STOX2: variants seen among roughly 807,000 people sequenced by gnomAD.
STOX2 encodes the protein storkhead box 2.
In STOX2, 28 loss-of-function variants were observed where a neutral mutation model predicts 60.9. That is an observed-to-expected ratio of 0.46 (90% CI 0.34 to 0.63). STOX2 has a LOEUF of 0.63. Among genes scored for constraint, STOX2 ranks in the 30% least tolerant of loss-of-function variants. The pLI is 0.01. For missense variants in STOX2, 1,024 were observed against 1,187.7 expected (o/e 0.86, Z 2.03); for synonymous variants, 472 against 463.9 (o/e 1.02, Z -0.22).
At chr4:183,956,931 G>T (rs1253455534) in intron 1 of STOX2, among the ~76,000 whole-genome samples, 2 of 143,578 alleles carry the variant, frequency 1.4e-5, no homozygotes, top group Non-Finnish European at 3.0e-5. Context: ...TTTAGATTAA[G>T]CATTTTTTTG....
intron 1 of STOX2, among the ~76,000 whole-genome samples, chr4:183,815,159 A>T (rs541770267): frequency 6.8e-6 from 1 of 147,210 alleles, no homozygotes; most frequent in South Asian, 2.2e-4. Context: ...TGCCCAGCTA[A>T]TTTTTTTTTT....
chr4:183,881,048 C>G (rs1740946982), intron 1 of STOX2, among the ~76,000 whole-genome samples: 1 of 152,154 alleles, frequency 6.6e-6, no homozygotes, highest in African/African-American at 2.4e-5. Flanking sequence ...TGGTACAGGT[C>G]TCTTCAAGAG....
In STOX2 at chr4:183,806,504, C is replaced by A. The variant is rs1268447398; in HGVS notation, c.364+8449C>A. Among the ~76,000 whole-genome samples the A allele has an allele frequency of 6.6e-6, 1 of 152,178 alleles. No individual in the cohort carries two copies. On this transcript the variant is annotated intron_variant, in intron 1 of 2. Coordinates refer to the STOX2 transcript ENST00000513034. The surrounding 1 kb of genome is among the most constrained non-coding windows in gnomAD (Gnocchi z 4.1). The stretch of plus-strand genomic sequence containing the variant: ...TGCCGCCTGAGGTTGCTGCAGCCTT[C>A]TGTCTTCACTGTGAACCCCGGGATA...
In STOX2 at chr4:184,001,060, C is replaced by T. The variant is rs924924444; in HGVS notation, c.167-265C>T. Among the ~76,000 whole-genome samples the T allele has an allele frequency of 1.3e-5, 2 of 152,036 alleles. No individual in the cohort carries two copies. The highest frequency in any genetic ancestry group is 2.9e-5 in the Non-Finnish European group (2 of 68,010). ...GCCTGTTGTTGCAAGACTTTCAGTA[C>T]TAGGACTATTTAAATGAGATCTCGG... On this transcript the variant is annotated intron_variant, in intron 1 of 3. Transcript: ENST00000308497. This position sits in a 1 kb window ranked among gnomAD's most constrained non-coding sequence, Gnocchi z 4.2.
Position 184,019,026 on chromosome 4 carries a change from A to G in STOX2, c.*1742A>G, listed in dbSNP as rs769651540. 4 of 152,238 alleles carry G rather than the reference A, an allele frequency of 2.6e-5. No homozygotes were observed. Among genetic ancestry groups the G allele is most frequent in the African/African-American group, 4.8e-5 (2 of 41,470 alleles). The allele number at this position is 152,238 out of a possible 1,614,324, so 9.4% of individuals were successfully genotyped here. On this transcript the variant is annotated 3_prime_UTR_variant, in exon 4 of 4. Coordinates refer to ENST00000308497, the MANE Select transcript of STOX2 (RefSeq NM_020225.3). ...TGTTTTTGTATGAGGTTTAATCACT[A>G]GCAATCTGTTTAAAGAATCCAGTCC... is the stretch of plus-strand genomic sequence containing the variant.
chr4:183,890,202 A>T (rs983450916), intron 1 of STOX2, among the ~76,000 whole-genome samples: 1 of 152,170 alleles, frequency 6.6e-6, no homozygotes, highest in Non-Finnish European at 1.5e-5. Context: ...TTGACTATTT[A>T]AAACAGCAAC....
rs566494154 is a variant in STOX2 at position 183,922,195 on chromosome 4, T to C, written c.166+15239T>C. On this transcript the variant is annotated intron_variant, in intron 1 of 3. Coordinates refer to ENST00000308497, the MANE Select transcript of STOX2 (RefSeq NM_020225.3). ...GCTAGATGACTTTCCTCAAATTCGC[T>C]GTTCCCTGGTGCTTTGAGAAGATGA... Among the ~76,000 whole-genome samples, 6 of 152,318 alleles carry C rather than the reference T, an allele frequency of 3.9e-5. No individual in the cohort carries two copies. The South Asian group carries it at 1.2e-3, about 32-fold the overall frequency.
chr4:183,849,366 G>C (rs186716145), intron 1 of STOX2, among the ~76,000 whole-genome samples: 7 of 152,324 alleles, frequency 4.6e-5, no homozygotes, highest in East Asian at 3.9e-4. Context: ...GTATGGGCTT[G>C]ATCCTGAGCA....
chr4:183,875,408 C>T (rs950551310), intron 1 of STOX2, among the ~76,000 whole-genome samples: 2 of 152,164 alleles, frequency 1.3e-5, no homozygotes, highest in East Asian at 1.9e-4. Context: ...ATAGCACTTC[C>T]GCAGAGGCCA....
At chr4:183,950,985 G>A (rs1377244507) in intron 1 of STOX2, among the ~76,000 whole-genome samples, 5 of 152,212 alleles carry the variant, frequency 3.3e-5, no homozygotes, top group African/African-American at 7.2e-5. Context: ...GGAGGCCGAG[G>A]CGGGCGGATC....
rs77061976 is a variant in STOX2 at position 183,852,745 on chromosome 4, T to G, written c.364+54690T>G. Among the ~76,000 whole-genome samples the G allele has an allele frequency of 1.1e-3, 174 of 152,362 alleles. 3 individuals carry two copies. The South Asian group carries it at 0.023, about 20-fold the overall frequency. On this transcript the variant is annotated intron_variant, in intron 1 of 2. Coordinates refer to the STOX2 transcript ENST00000513034. Reference sequence around the variant, plus strand: ...ATGTTAATAAGGAAGAGGAAATTAATTTAAACCTATTTAATAAAACGAATG... The same window carrying G: ...ATGTTAATAAGGAAGAGGAAATTAAGTTAAACCTATTTAATAAAACGAATG...
intron 1 of STOX2, among the ~76,000 whole-genome samples, chr4:183,968,841 A>G (rs1443183285): frequency 2.0e-5 from 3 of 152,220 alleles, no homozygotes. Flanking sequence ...GTATAACACA[A>G]GAGGGAAATT....
intron 1 of STOX2, among the ~76,000 whole-genome samples, chr4:183,950,085 C>T (rs1743023444): frequency 6.6e-6 from 1 of 152,238 alleles, no homozygotes; most frequent in Non-Finnish European, 1.5e-5. Context: ...GATTAATCTG[C>T]TAACTGCATT....
At chr4:183,843,770 T>C (rs1253007547) in intron 1 of STOX2, among the ~76,000 whole-genome samples, 1 of 152,222 alleles carries the variant, frequency 6.6e-6, no homozygotes, top group Non-Finnish European at 1.5e-5. Flanking sequence ...ATAAAGGTAA[T>C]ACCATGAAAG....
intron 1 of STOX2, among the ~76,000 whole-genome samples, chr4:183,972,466 T>G (rs1452593273): frequency 3.3e-5 from 5 of 152,216 alleles, no homozygotes; most frequent in African/African-American, 4.8e-5. Context: ...TGTGCATGTT[T>G]GGATCTCATT....
chr4:183,933,166 C>T (rs976786065), intron 1 of STOX2, among the ~76,000 whole-genome samples: 11 of 152,096 alleles, frequency 7.2e-5, no homozygotes, highest in Non-Finnish European at 1.2e-4. Flanking sequence ...GGATAATTTC[C>T]GAAGCAGATT....
In STOX2 at chr4:183,937,241, G is replaced by A. The variant is rs532027003; in HGVS notation, c.166+30285G>A. On this transcript the variant is annotated intron_variant, in intron 1 of 3. Transcript: ENST00000308497. ...AACACATTGAGGCTCTTTAATGTAC[G>A]TGATACTTCAGCTGAGATAACCTGT... Among the ~76,000 whole-genome samples, 77 of 152,306 alleles carry A rather than the reference G, an allele frequency of 5.1e-4. 1 individual carries two copies. Among genetic ancestry groups the A allele is most frequent in the Admixed American group, 9.8e-4 (15 of 15,302 alleles).
intron 1 of STOX2, among the ~76,000 whole-genome samples, chr4:183,964,066 C>G (rs189640836): frequency 6.6e-5 from 10 of 152,278 alleles, no homozygotes; most frequent in Non-Finnish European, 1.3e-4. Context: ...TGAGCCACCG[C>G]GCCCAGCTTT....
chr4:184,011,205 C>T lies in STOX2; in HGVS notation c.2367C>T (p.Asn789=), dbSNP rs1294564912. ...ACTCTGAGGAAGGGGCAAACAAGAA[C>T]ACAGAGGAGGAGAAAAATAGAGAGG... The part of the protein sequence containing the change: ...DDDSEEGANK[N]TEEEKNREDV... The change falls in exon 3 of 4, where the codon AAC becomes AAT. Residue 789 remains asparagine, a synonymous_variant. Transcript: ENST00000308497. This position sits in a 1 kb window ranked among gnomAD's most constrained non-coding sequence, Gnocchi z 4.4. 3.7e-6 allele frequency: 6 copies of T among 1,605,036 alleles called. No individual in the cohort carries two copies. The highest frequency in any genetic ancestry group is 5.1e-6 in the Non-Finnish European group (6 of 1,176,284).
Sources: allele counts gnomAD v4.1 joint callset (sites outside exome capture counted in the v4.1 genomes callset), GRCh38; gene constraint gnomAD v4.1.1; non-coding constraint Gnocchi (gnomAD v3.1); transcripts MANE v1.5; gene names NCBI Gene and HGNC (gene_info 2026-07-23, HGNC 2026-07-21).